USP46: variants seen among roughly 807,000 people sequenced by gnomAD.
The protein encoded by USP46 is ubiquitin carboxyl-terminal hydrolase 46.
Under a neutral mutation model 44.4 loss-of-function variants are expected in USP46, and 12 were observed. The ratio of observed to expected loss-of-function variants is 0.27; its 90% CI spans 0.17 to 0.44. The LOEUF (loss-of-function observed/expected upper bound fraction) is 0.44. Among genes scored for constraint, USP46 ranks in the 20% least tolerant of loss-of-function variants. The pLI is 1.00. For synonymous variants in USP46, 155 were observed against 161.5 expected, an observed-to-expected ratio of 0.96 and a Z score of 0.31; for missense variants, 248 against 444.8, an observed-to-expected ratio of 0.56 and a Z score of 3.98.
Position 52,592,997 on chromosome 4 carries a change from T to C in USP46, c.*4643A>G, listed in dbSNP as rs1292237860. 2.5e-6 allele frequency: 1 copy of C among 398,540 alleles called. No homozygotes were observed. The highest frequency in any genetic ancestry group is 3.6e-5 in the East Asian group (1 of 28,070). 24.7% of individuals were successfully genotyped at this position (398,540 alleles called of 1,614,324 possible). ...GAAGCCTGTACAGCCCATAAAACCA[T>C]GAGCCAATTAAACCTCTTTTCTTCA... On this transcript the variant is annotated 3_prime_UTR_variant, in exon 9 of 9. Transcript: ENST00000441222.
At chr4:52,644,329 C>T (rs1718456891) in intron 1 of USP46, among the ~76,000 whole-genome samples, 1 of 152,146 alleles carries the variant, frequency 6.6e-6, no homozygotes. Flanking sequence ...ACAGGGAAAG[C>T]AATCATGAAC....
At chr4:52,629,689 G>A (rs1394999820) in intron 2 of USP46, 1 of 456,118 alleles carries the variant, frequency 2.2e-6, no homozygotes, top group Non-Finnish European at 4.4e-6. Flanking sequence ...ACAACTCCTG[G>A]GAAGGGAAAG....
rs1171063434 is a variant in USP46 at position 52,597,534 on chromosome 4, G to C, written c.*106C>G. The C allele has an allele frequency of 1.5e-5, 11 of 736,336 alleles. No homozygotes were observed. Among genetic ancestry groups the C allele is most frequent in the Non-Finnish European group, 2.1e-5 (9 of 426,404 alleles). 45.6% of individuals were successfully genotyped at this position (736,336 alleles called of 1,614,324 possible). On this transcript the variant is annotated 3_prime_UTR_variant, in exon 9 of 9. Transcript: ENST00000441222. ...CACAGCCAGACCATTGAGACTCGGAGTGATACCATTAGTGGGCCACTGGGG... is the reference window on the plus strand; with the variant it reads ...CACAGCCAGACCATTGAGACTCGGACTGATACCATTAGTGGGCCACTGGGG...
chr4:52,611,877 G>A (rs1716943519), intron 4 of USP46, among the ~76,000 whole-genome samples: 1 of 152,044 alleles, frequency 6.6e-6, no homozygotes. Flanking sequence ...GTGACACAGT[G>A]AGACCCTGTC....
chr4:52,649,635 T>C (rs1718680937), intron 1 of USP46, among the ~76,000 whole-genome samples: 1 of 152,244 alleles, frequency 6.6e-6, no homozygotes, highest in African/African-American at 2.4e-5. Flanking sequence ...AGCTAATGCC[T>C]ATGCATGATA....
At chr4:52,643,670 T>C (rs1718434828) in intron 1 of USP46, among the ~76,000 whole-genome samples, 1 of 152,232 alleles carries the variant, frequency 6.6e-6, no homozygotes, top group Admixed American at 6.5e-5. Context: ...TGAATAAACT[T>C]GGGAAGCAGG....
intron 1 of USP46, among the ~76,000 whole-genome samples, chr4:52,631,644 T>C (rs1717831409): frequency 6.6e-6 from 1 of 152,300 alleles, no homozygotes; most frequent in East Asian, 1.9e-4. Flanking sequence ...CCTGCTCTCA[T>C]GGATTTCACA....
chr4:52,639,704 A>AT (rs533775892), intron 1 of USP46, among the ~76,000 whole-genome samples: 22 of 149,704 alleles, frequency 1.5e-4, no homozygotes, highest in South Asian at 8.5e-4. Flanking sequence ...TGAAAAGTGA[A>AT]TTTTTTTTTT....
chr4:52,645,903 C>G (rs555055524), intron 1 of USP46, among the ~76,000 whole-genome samples: 2 of 152,136 alleles, frequency 1.3e-5, no homozygotes, highest in East Asian at 3.9e-4. Flanking sequence ...GTGTGTGGCA[C>G]TTTCCCTTTC....
rs777888373 is a variant in USP46, at chr4:52,655,892, G to C, written c.36+3223C>G. Among the ~76,000 whole-genome samples the C allele has an allele frequency of 1.2e-4, 19 of 152,328 alleles. No homozygotes were observed. The East Asian group carries it at 1.9e-3, about 15-fold the overall frequency. On this transcript the variant is annotated intron_variant, in intron 1 of 8. Coordinates refer to ENST00000441222, the MANE Select transcript of USP46 (RefSeq NM_022832.4). ...ACTTCAGCAAGTGGGTGGGTAAGTGGAGGAATGAAGATATTTTCCAAGTTT... is the reference window on the plus strand; with the variant it reads ...ACTTCAGCAAGTGGGTGGGTAAGTGCAGGAATGAAGATATTTTCCAAGTTT...
At chr4:52,654,769 A>T (rs1178389431) in intron 1 of USP46, among the ~76,000 whole-genome samples, 1 of 152,216 alleles carries the variant, frequency 6.6e-6, no homozygotes, top group Non-Finnish European at 1.5e-5. Flanking sequence ...TGTTCTACAG[A>T]CGCTAAAATG....
At chr4:52,630,621 C>G (rs567679945) in intron 2 of USP46, among the ~76,000 whole-genome samples, 22 of 151,924 alleles carry the variant, frequency 1.4e-4, no homozygotes, top group African/African-American at 4.8e-4. Flanking sequence ...GCCTGTAATC[C>G]CAGCTACTCG....
At chr4:52,653,692 T>G (rs1718851908) in intron 1 of USP46, among the ~76,000 whole-genome samples, 1 of 152,046 alleles carries the variant, frequency 6.6e-6, no homozygotes, top group Non-Finnish European at 1.5e-5. Flanking sequence ...CTTTTACATC[T>G]CTTCCAGTTA....
intron 4 of USP46, among the ~76,000 whole-genome samples, chr4:52,613,073 C>T (rs1437011565): frequency 2.6e-5 from 4 of 152,158 alleles, no homozygotes; most frequent in South Asian, 2.1e-4. Flanking sequence ...CAAGCAAGCA[C>T]ATGGGGAGTC....
intron 1 of USP46, among the ~76,000 whole-genome samples, chr4:52,637,912 C>G (rs192009574): frequency 5.3e-5 from 8 of 152,268 alleles, no homozygotes; most frequent in African/African-American, 1.9e-4. Context: ...CTCCTCCTTC[C>G]CTGCTTCTTC....
intron 4 of USP46, among the ~76,000 whole-genome samples, chr4:52,618,171 G>A (rs756982782): frequency 3.8e-4 from 58 of 152,134 alleles, no homozygotes; most frequent in Middle Eastern, 6.8e-3. Context: ...ATTACTTAAG[G>A]CCAGGAGTTC....
Position 52,632,990 on chromosome 4 carries a change from A to AAAGAAAGAAAAG in USP46, c.37-1847_37-1846insCTTTTCTTTCTT. On this transcript the variant is annotated intron_variant, in intron 1 of 8. Coordinates refer to ENST00000441222, the MANE Select transcript of USP46 (RefSeq NM_022832.4). Reference sequence around the variant, plus strand: ...AAAGAAAGAAAGAAAGAAAGAAAAGAAAAGAAAGAAAGAAAGAAAGAAAGA... The same window carrying AAAGAAAGAAAAG: ...AAAGAAAGAAAGAAAGAAAGAAAAGAAAGAAAGAAAAGAAAGAAAGAAAGAAAGAAAGAAAGA... Among the ~76,000 whole-genome samples, 40 of 66,344 alleles carry AAAGAAAGAAAAG rather than the reference A, an allele frequency of 6.0e-4. 2 individuals carry two copies. The highest frequency in any genetic ancestry group is 1.9e-3 in the African/African-American group (31 of 16,544). 43.5% of individuals were successfully genotyped at this position (66,344 alleles called of 152,430 possible).
chr4:52,597,450 A>C lies in USP46; in HGVS notation c.*190T>G. ...ATCTGATTGCAGTTAACTCTATGTC[A>C]GACTGAAATAAAACCAAGAGTAGTG... is the stretch of plus-strand genomic sequence containing the variant. On this transcript the variant is annotated 3_prime_UTR_variant, in exon 9 of 9. Coordinates refer to ENST00000441222, the MANE Select transcript of USP46 (RefSeq NM_022832.4). The C allele has an allele frequency of 1.9e-6, 1 of 540,518 alleles. No individual in the cohort carries two copies. Among genetic ancestry groups the C allele is most frequent in the East Asian group, 3.3e-5 (1 of 29,900 alleles). The allele number at this position is 540,518 out of a possible 1,614,324, so 33.5% of individuals were successfully genotyped here.
At chr4:52,614,519 G>C (rs888431283) in intron 4 of USP46, among the ~76,000 whole-genome samples, 5 of 152,076 alleles carry the variant, frequency 3.3e-5, no homozygotes, top group African/African-American at 7.2e-5. Context: ...TTCATGTGCT[G>C]AAAGAAAAAA....
Sources: gnomAD v4.1 joint callset for allele counts (sites outside exome capture counted in the v4.1 genomes callset) on GRCh38, gnomAD v4.1.1 for gene constraint, MANE v1.5 for transcripts, NCBI Gene and HGNC (gene_info 2026-07-23, HGNC 2026-07-21) for gene names.